SPTLC3: variants seen among roughly 807,000 people sequenced by gnomAD.
The protein encoded by SPTLC3 is serine palmitoyltransferase long chain base subunit 3.
SPTLC3 carries 36 observed loss-of-function variants against 59.3 expected under a neutral mutation model. That is an observed-to-expected ratio of 0.61 (90% CI 0.47 to 0.80). The LOEUF (loss-of-function observed/expected upper bound fraction) is 0.80, where lower values mean the gene tolerates loss of function less well. Among genes scored for constraint, SPTLC3 ranks in the 30% least tolerant of loss-of-function variants. The pLI is 0.00. For synonymous variants in SPTLC3, 257 were observed against 240.8 expected, an observed-to-expected ratio of 1.07 and a Z score of -0.62; for missense variants, 625 against 685.1, an observed-to-expected ratio of 0.91 and a Z score of 0.98.
intron 9 of SPTLC3, among the ~76,000 whole-genome samples, chr20:13,153,139 A>T (rs1310305315): frequency 6.6e-6 from 1 of 152,200 alleles, no homozygotes; most frequent in Non-Finnish European, 1.5e-5. Flanking sequence ...ATTCATTCTT[A>T]TTGAGCAAAC....
chr20:13,129,659 G>A (rs922323352), intron 9 of SPTLC3, among the ~76,000 whole-genome samples: 1 of 152,204 alleles, frequency 6.6e-6, no homozygotes, highest in Non-Finnish European at 1.5e-5. Flanking sequence ...TGCTTTACAT[G>A]TATGCAACTT....
chr20:13,136,625 C>T (rs1331423618), intron 9 of SPTLC3, among the ~76,000 whole-genome samples: 1 of 134,210 alleles, frequency 7.5e-6, no homozygotes, highest in African/African-American at 2.8e-5. Context: ...ATATAATATA[C>T]ATATAAAAAT....
chr20:13,125,406 T>C (rs2037966530), intron 8 of SPTLC3, among the ~76,000 whole-genome samples: 2 of 152,226 alleles, frequency 1.3e-5, no homozygotes, highest in Non-Finnish European at 2.9e-5. Context: ...TCTGGTTTAA[T>C]TTCCCACAAG....
chr20:13,022,536 G>A (rs1261354575), intron 1 of SPTLC3, among the ~76,000 whole-genome samples: 1 of 152,164 alleles, frequency 6.6e-6, no homozygotes, highest in East Asian at 1.9e-4. Context: ...GGCTGGAGAA[G>A]CTGGGCCAGG....
At position 13,165,702 on chromosome 20, in the gene SPTLC3, C is replaced by T. The variant is rs980120672; in HGVS notation, c.*835C>T. 1.3e-5 allele frequency: 2 copies of T among 152,174 alleles called. No homozygotes were observed. Among genetic ancestry groups the T allele is most frequent in the African/African-American group, 4.8e-5 (2 of 41,444 alleles). 9.4% of individuals were successfully genotyped at this position (152,174 alleles called of 1,614,324 possible). A position where few individuals can be genotyped will look rare whatever the true frequency, so the allele number is the denominator to read the frequency against. ...GCTTACCCTGCACAGCCTCTATTACCTTAAGGAATTAGTTGTCATTTTCCT... is the reference window on the plus strand; with the variant it reads ...GCTTACCCTGCACAGCCTCTATTACTTTAAGGAATTAGTTGTCATTTTCCT... On this transcript the variant is annotated 3_prime_UTR_variant, in exon 12 of 12. Transcript: ENST00000399002.
At chr20:13,136,604 C>CATATATATATATATAT (rs113062136) in intron 9 of SPTLC3, among the ~76,000 whole-genome samples, 6 of 136,072 alleles carry the variant, frequency 4.4e-5, no homozygotes, top group African/African-American at 1.5e-4. Context: ...CATCTAAAAA[C>CATATATATATATATAT]ATATATATAT....
intron 7 of SPTLC3, 130 bp downstream of exon 7, chr20:13,110,347 A>G (rs1024743208): frequency 1.4e-6 from 1 of 707,902 alleles, no homozygotes; most frequent in South Asian, 2.0e-5. Flanking sequence ...GGGACCTGAG[A>G]CAGAGCCACC....
chr20:13,150,230 G>A lies in SPTLC3; in HGVS notation c.1280-3773G>A, dbSNP rs140456084. Reference sequence around the variant, plus strand: ...GTATGGGTGATTTTTCTTAAGTAAGGCAAATATTCTCCTTCTTAATTTCTA... The same window carrying A: ...GTATGGGTGATTTTTCTTAAGTAAGACAAATATTCTCCTTCTTAATTTCTA... On this transcript the variant is annotated intron_variant, in intron 9 of 11. Transcript: ENST00000399002. Among the ~76,000 whole-genome samples, 849 of 152,148 alleles carry A rather than the reference G, an allele frequency of 5.6e-3. 7 individuals are homozygous for A. Among genetic ancestry groups the A allele is most frequent in the Middle Eastern group, 0.02 (6 of 294 alleles).
intron 1 of SPTLC3, among the ~76,000 whole-genome samples, chr20:13,026,580 C>T (rs928636245): frequency 6.6e-6 from 1 of 152,056 alleles, no homozygotes; most frequent in African/African-American, 2.4e-5. Context: ...CACACAGTGA[C>T]AGAAATATAC....
chr20:13,011,213 C>T (rs896827566), intron 1 of SPTLC3, among the ~76,000 whole-genome samples: 7 of 152,148 alleles, frequency 4.6e-5, no homozygotes, highest in African/African-American at 7.2e-5. Context: ...ATGATGGGAA[C>T]GAAGTTGTCT....
chr20:13,018,497 C>A (rs1045941438), intron 1 of SPTLC3, among the ~76,000 whole-genome samples: 13 of 152,154 alleles, frequency 8.5e-5, no homozygotes, highest in African/African-American at 3.1e-4. Context: ...CAAAAGCACA[C>A]CCATTTGAAA....
rs141609608 is a variant in SPTLC3 at position 13,033,461 on chromosome 20, T to C, written c.118-15484T>C. 1.7e-3 allele frequency among the ~76,000 whole-genome samples: 266 copies of C among 152,310 alleles called. 3 individuals carry two copies. The highest frequency in any genetic ancestry group is 6.1e-3 in the African/African-American group (255 of 41,576). ...GTCATCTTGGCCATCAACATTCAGATGGCAACAGTGAAGAGAGGCTTTTAT... is the reference window on the plus strand; with the variant it reads ...GTCATCTTGGCCATCAACATTCAGACGGCAACAGTGAAGAGAGGCTTTTAT... On this transcript the variant is annotated intron_variant, in intron 1 of 11. Transcript: ENST00000399002.
chr20:13,072,354 A>C lies in SPTLC3; in HGVS notation c.402A>C (p.Pro134=). Residue 134 remains proline (P), a synonymous_variant, in exon 3 of 12, where the codon CCA becomes CCC. Transcript: ENST00000399002. The part of the protein sequence containing the change: ...DNWNRPICSA[P]GPLFDLMERV... ...GGAACCGGCCCATCTGCAGTGCCCC[A>C]GGGCCTCTGTTTGATTTGATGGAGA... 6.2e-7 allele frequency: 1 copy of C among 1,613,606 alleles called. No individual in the cohort carries two copies. The highest frequency in any genetic ancestry group is 1.1e-5 in the South Asian group (1 of 91,006).
chr20:13,145,505 A>G (rs1409912077), intron 9 of SPTLC3, among the ~76,000 whole-genome samples: 1 of 152,230 alleles, frequency 6.6e-6, no homozygotes, highest in East Asian at 1.9e-4. Context: ...AACAAATGGA[A>G]AAATATTCCA....
intron 6 of SPTLC3, among the ~76,000 whole-genome samples, chr20:13,096,738 C>T (rs1989429347): frequency 6.6e-6 from 1 of 152,060 alleles, no homozygotes; most frequent in Admixed American, 6.6e-5. Flanking sequence ...TCGAATTGTA[C>T]ACTTAATATT....
chr20:13,098,756 C>T (rs6033615), intron 6 of SPTLC3, among the ~76,000 whole-genome samples: 57,539 of 152,018 alleles, frequency 0.38, 10,993 homozygotes, highest in Middle Eastern at 0.41. Flanking sequence ...TTATTTAGCC[C>T]TGTGAAGAAT....
intron 1 of SPTLC3, among the ~76,000 whole-genome samples, chr20:13,037,506 C>T (rs1284253374): frequency 6.6e-6 from 1 of 152,156 alleles, no homozygotes; most frequent in Non-Finnish European, 1.5e-5. Context: ...TCATGAAACT[C>T]AAATTGAGCC....
intron 9 of SPTLC3, among the ~76,000 whole-genome samples, chr20:13,146,513 A>G (rs1318785915): frequency 6.6e-6 from 1 of 152,236 alleles, no homozygotes; most frequent in Non-Finnish European, 1.5e-5. Flanking sequence ...GTGTAAAATT[A>G]CATAATTAAT....
At chr20:13,149,583 A>T (rs541979397) in intron 9 of SPTLC3, among the ~76,000 whole-genome samples, 2 of 152,244 alleles carry the variant, frequency 1.3e-5, no homozygotes, top group Non-Finnish European at 2.9e-5. Context: ...ATTTGTAGTA[A>T]CCTATATGAG....
Sources: gnomAD v4.1 joint callset for allele counts (sites outside exome capture counted in the v4.1 genomes callset) on GRCh38, gnomAD v4.1.1 for gene constraint, MANE v1.5 for transcripts, NCBI Gene and HGNC (gene_info 2026-07-23, HGNC 2026-07-21) for gene names.